LMO3: variants seen among roughly 807,000 people sequenced by gnomAD.
LMO3 encodes LIM domain only protein 3.
A neutral mutation model predicts 15.8 loss-of-function variants in LMO3; 2 were observed. That is an observed-to-expected ratio of 0.13 (90% confidence interval 0.05 to 0.40). The LOEUF (loss-of-function observed/expected upper bound fraction) is 0.40. Among genes scored for constraint, LMO3 ranks in the 10% least tolerant of loss-of-function variants. The probability of loss-of-function intolerance (pLI) is 0.99; values close to 1 mark genes in which losing one functional copy is unlikely to be tolerated. For missense variants in LMO3, 86 were observed against 182.2 expected, an observed-to-expected ratio of 0.47 and a Z score of 3.04; for synonymous variants, 62 against 63.8, an observed-to-expected ratio of 0.97 and a Z score of 0.13.
intron 2 of LMO3, among the ~76,000 whole-genome samples, chr12:16,583,329 A>G (rs138682548): frequency 6.6e-6 from 1 of 152,276 alleles, no homozygotes; most frequent in East Asian, 1.9e-4. Flanking sequence ...AAAAAATTAG[A>G]CAATAGGGGA....
Position 16,560,172 on chromosome 12 carries a change from C to T in LMO3, c.332+241G>A, listed in dbSNP as rs765997168. On this transcript the variant is annotated intron_variant, in intron 3 of 3. Transcript: ENST00000537304. The surrounding 1 kb of genome is among the most constrained non-coding windows in gnomAD (Gnocchi z 5.0). ...AATGAGTAAAAGAAGTCAGAGTTTA[C>T]GGTAGTGTTTCCATTTTCTGTTACT... Among the ~76,000 whole-genome samples, 4 of 152,032 alleles carry T rather than the reference C, an allele frequency of 2.6e-5. No individual in the cohort carries two copies. Among genetic ancestry groups the T allele is most frequent in the Non-Finnish European group, 4.4e-5 (3 of 67,996 alleles).
chr12:16,595,248 C>A (rs1943612852), intron 2 of LMO3, among the ~76,000 whole-genome samples: 1 of 150,468 alleles, frequency 6.6e-6, no homozygotes, highest in African/African-American at 2.4e-5. Context: ...CTCAAGTCTA[C>A]AAAACAAACT....
At chr12:16,579,067 C>A (rs1245349065) in intron 2 of LMO3, among the ~76,000 whole-genome samples, 1 of 152,116 alleles carries the variant, frequency 6.6e-6, no homozygotes, top group East Asian at 1.9e-4. Context: ...CCCAAACACT[C>A]TCTAGAGCTT....
At chr12:16,578,750 G>A (rs986760292) in intron 2 of LMO3, among the ~76,000 whole-genome samples, 2 of 151,846 alleles carry the variant, frequency 1.3e-5, no homozygotes, top group Non-Finnish European at 2.9e-5. Flanking sequence ...CCTGGGAGGC[G>A]GAGTTTGCAG....
At position 16,555,079 on chromosome 12, in the gene LMO3, G is replaced by A. The variant is rs192783294; in HGVS notation, c.333-3752C>T. The stretch of plus-strand genomic sequence containing the variant: ...TGAAGCTAATAACTACCTATTTATG[G>A]GATATTTTGAGTATTAAACGAATGA... On this transcript the variant is annotated intron_variant, in intron 3 of 3. Transcript: ENST00000537304. This position sits in a 1 kb window ranked among gnomAD's most constrained non-coding sequence, Gnocchi z 5.5. 2.0e-5 allele frequency among the ~76,000 whole-genome samples: 3 copies of A among 152,260 alleles called. No homozygotes were observed. In the East Asian group the frequency reaches 5.8e-4, roughly 29 times the overall value.
chr12:16,604,678 A>G lies in LMO3; in HGVS notation c.-9+1388T>C, dbSNP rs1943930727. On this transcript the variant is annotated intron_variant, in intron 1 of 3. Transcript: ENST00000537304. This position sits in a 1 kb window ranked among gnomAD's most constrained non-coding sequence, Gnocchi z 5.3. ...GCCACACAGGGATGGTTTGCAAAGA[A>G]TGTAGCAGTATTTGTTGCATCTAGC... is the stretch of plus-strand genomic sequence containing the variant. The G allele has an allele frequency of 3.1e-6, 2 of 649,330 alleles. No homozygotes were observed. Among genetic ancestry groups the G allele is most frequent in the South Asian group, 3.9e-5 (2 of 51,714 alleles). The allele number at this position is 649,330 out of a possible 1,614,324, so 40.2% of individuals were successfully genotyped here.
At chr12:16,605,920 C>T (rs1324998622) in intron 1 of LMO3, 146 bp downstream of exon 1, 3 of 1,250,420 alleles carry the variant, frequency 2.4e-6, no homozygotes, top group African/African-American at 1.5e-5. Flanking sequence ...AGTTGCAGTG[C>T]GGAGCTGGGT....
Position 16,586,381 on chromosome 12 carries a change from G to A in LMO3, c.206+14274C>T, listed in dbSNP as rs1479700856. The stretch of plus-strand genomic sequence containing the variant: ...GAGAACCACTGCATGGCTGTGGCAA[G>A]GAGAGCGGAGGATCCTAATCTTCCC... On this transcript the variant is annotated intron_variant, in intron 2 of 3. Coordinates refer to ENST00000537304, the MANE Select transcript of LMO3 (RefSeq NM_018640.5). This position sits in a 1 kb window ranked among gnomAD's most constrained non-coding sequence, Gnocchi z 4.3. 1.3e-5 allele frequency among the ~76,000 whole-genome samples: 2 copies of A among 152,140 alleles called. No homozygotes were observed. The highest frequency in any genetic ancestry group is 4.8e-5 in the African/African-American group (2 of 41,440).
chr12:16,604,024 T>C lies in LMO3; in HGVS notation c.-9+2042A>G, dbSNP rs1943910628. The stretch of plus-strand genomic sequence containing the variant: ...GAAGAGATGAGGTGCTTCAGAAAGA[T>C]GCTAAAATGGGAATGCAGGTTCTGC... On this transcript the variant is annotated intron_variant, in intron 1 of 3. Transcript: ENST00000537304. The surrounding 1 kb of genome is among the most constrained non-coding windows in gnomAD (Gnocchi z 5.3). Among the ~76,000 whole-genome samples the C allele has an allele frequency of 6.6e-6, 1 of 152,110 alleles. No homozygotes were observed. Among genetic ancestry groups the C allele is most frequent in the Non-Finnish European group, 1.5e-5 (1 of 68,006 alleles).
chr12:16,606,076 A>C lies in LMO3; in HGVS notation c.-19T>G. Reference sequence around the variant, plus strand: ...AGTTGCTGCACTTACCTTCTCAATTAAGCGATACAGGGGGAGGCCGTTCAG... The same window carrying C: ...AGTTGCTGCACTTACCTTCTCAATTCAGCGATACAGGGGGAGGCCGTTCAG... On this transcript the variant is annotated 5_prime_UTR_variant, in exon 1 of 4. Transcript: ENST00000537304. The C allele has an allele frequency of 2.0e-6, 1 of 493,396 alleles. No individual in the cohort carries two copies. Among genetic ancestry groups the C allele is most frequent in the Non-Finnish European group, 3.7e-6 (1 of 273,834 alleles). 30.6% of individuals were successfully genotyped at this position (493,396 alleles called of 1,614,324 possible).
chr12:16,554,300 G>A (rs1054435366), intron 3 of LMO3, among the ~76,000 whole-genome samples: 4 of 152,130 alleles, frequency 2.6e-5, no homozygotes, highest in Non-Finnish European at 5.9e-5. Context: ...TGTTAGCCTA[G>A]CCATCTTCTT....
rs939230997 is a variant in LMO3, at chr12:16,586,684, G to A, written c.206+13971C>T. Among the ~76,000 whole-genome samples the A allele has an allele frequency of 6.6e-6, 1 of 152,156 alleles. No homozygotes were observed. The highest frequency in any genetic ancestry group is 1.5e-5 in the Non-Finnish European group (1 of 68,034). On this transcript the variant is annotated intron_variant, in intron 2 of 3. Transcript: ENST00000537304. This position sits in a 1 kb window ranked among gnomAD's most constrained non-coding sequence, Gnocchi z 4.3. ...TATACCGTCGGGGTAGAGATTTCAA[G>A]ATACACATCTTTTGACCCCCCATTG...
chr12:16,578,432 G>A (rs1943060080), intron 2 of LMO3, among the ~76,000 whole-genome samples: 1 of 152,200 alleles, frequency 6.6e-6, no homozygotes, highest in South Asian at 2.1e-4. Flanking sequence ...GGGAAGAGAA[G>A]AAGCAGTTGT....
chr12:16,596,419 C>G lies in LMO3; in HGVS notation c.206+4236G>C, dbSNP rs960120839. The stretch of plus-strand genomic sequence containing the variant: ...GCAGCTTCCATGGCACATACCACAG[C>G]AAACAGCTTTGAATAAACTCTGGCA... On this transcript the variant is annotated intron_variant, in intron 2 of 3. Coordinates refer to ENST00000537304, the MANE Select transcript of LMO3 (RefSeq NM_018640.5). The surrounding 1 kb of genome is among the most constrained non-coding windows in gnomAD (Gnocchi z 4.3). 1.3e-5 allele frequency among the ~76,000 whole-genome samples: 2 copies of G among 151,476 alleles called. No homozygotes were observed. The highest frequency in any genetic ancestry group is 3.0e-5 in the Non-Finnish European group (2 of 67,596).
rs746863030 is a variant in LMO3, at chr12:16,584,190, C to T, written c.206+16465G>A. Among the ~76,000 whole-genome samples, 20 of 152,056 alleles carry T rather than the reference C, an allele frequency of 1.3e-4. No homozygotes were observed. The highest frequency in any genetic ancestry group is 3.4e-3 in the Middle Eastern group (1 of 294). The stretch of plus-strand genomic sequence containing the variant: ...GTAAAAGGTAGTATAATTAGATGTA[C>T]GAGTTTTGTTGGAGGATGCATTTTT... On this transcript the variant is annotated intron_variant, in intron 2 of 3. Coordinates refer to ENST00000537304, the MANE Select transcript of LMO3 (RefSeq NM_018640.5). This position sits in a 1 kb window ranked among gnomAD's most constrained non-coding sequence, Gnocchi z 5.2.
chr12:16,576,635 C>G lies in LMO3; in HGVS notation c.207-16097G>C, dbSNP rs1473753640. On this transcript the variant is annotated intron_variant, in intron 2 of 3. Coordinates refer to ENST00000537304, the MANE Select transcript of LMO3 (RefSeq NM_018640.5). This position sits in a 1 kb window ranked among gnomAD's most constrained non-coding sequence, Gnocchi z 4.1. The stretch of plus-strand genomic sequence containing the variant: ...CATAATAAGCTCCCTGAAAACTTGC[C>G]TTCTCCTTTACTCTGCACCTAACAC... Among the ~76,000 whole-genome samples the G allele has an allele frequency of 6.6e-6, 1 of 152,140 alleles. No homozygotes were observed. Among genetic ancestry groups the G allele is most frequent in the Non-Finnish European group, 1.5e-5 (1 of 68,022 alleles).
At chr12:16,605,826 T>A in intron 1 of LMO3, 2 of 1,535,488 alleles carry the variant, frequency 1.3e-6, no homozygotes, top group Non-Finnish European at 1.7e-6. Flanking sequence ...TCCGCCTGCA[T>A]CTATTTCATG....
At chr12:16,554,694 C>T (rs1942120749) in intron 3 of LMO3, among the ~76,000 whole-genome samples, 1 of 152,148 alleles carries the variant, frequency 6.6e-6, no homozygotes, top group South Asian at 2.1e-4. Flanking sequence ...AAATAAAATA[C>T]CTCTCTTGAA....
At chr12:16,578,818 A>AAAAAAC (rs969428939) in intron 2 of LMO3, among the ~76,000 whole-genome samples, 48 of 141,136 alleles carry the variant, frequency 3.4e-4, no homozygotes, top group African/African-American at 1.3e-3. Context: ...ATTCTGTCTC[A>AAAAAAC]AACAACAACA....
Sources: gnomAD v4.1 joint callset for allele counts (sites outside exome capture counted in the v4.1 genomes callset) on GRCh38, gnomAD v4.1.1 for gene constraint, Gnocchi (gnomAD v3.1) non-coding constraint, MANE v1.5 for transcripts, NCBI Gene and HGNC (gene_info 2026-07-23, HGNC 2026-07-21) for gene names.